SPOCK3: variants seen among roughly 807,000 people sequenced by gnomAD.
SPOCK3 encodes the protein SPARC (osteonectin), cwcv and kazal like domains proteoglycan 3, also known as testican-3.
A neutral mutation model predicts 56.6 loss-of-function variants in SPOCK3; 30 were observed. The observed-to-expected ratio is 0.53, with a 90% CI of 0.40 to 0.72. The LOEUF (loss-of-function observed/expected upper bound fraction) is 0.72. SPOCK3 is among the 30% of genes least tolerant of loss of function. The probability of loss-of-function intolerance (pLI) is 0.00; values close to 1 mark genes in which losing one functional copy is unlikely to be tolerated. For synonymous variants in SPOCK3, 196 were observed against 183.3 expected (o/e 1.07, Z -0.56); for missense variants, 527 against 530.0 (o/e 0.99, Z 0.06).
intron 2 of SPOCK3, among the ~76,000 whole-genome samples, chr4:167,195,434 A>G (rs760930127): frequency 6.6e-6 from 1 of 152,160 alleles, no homozygotes; most frequent in Non-Finnish European, 1.5e-5. Flanking sequence ...AACTGTTGAG[A>G]GAGGCTAGAA....
intron 2 of SPOCK3, among the ~76,000 whole-genome samples, chr4:167,161,296 T>C (rs1278519433): frequency 1.3e-5 from 2 of 152,146 alleles, no homozygotes; most frequent in African/African-American, 2.4e-5. Context: ...AAAATGCTCA[T>C]CATCACTGGC....
At position 166,876,720 on chromosome 4, in the gene SPOCK3, T is replaced by C. The variant is rs188944277; in HGVS notation, c.589+12410A>G. Among the ~76,000 whole-genome samples the C allele has an allele frequency of 4.4e-3, 672 of 152,198 alleles. 5 individuals are homozygous for C. The highest frequency in any genetic ancestry group is 0.016 in the African/African-American group (644 of 41,540). On this transcript the variant is annotated intron_variant, in intron 6 of 10. Coordinates refer to ENST00000357545, the MANE Select transcript of SPOCK3 (RefSeq NM_001040159.2). ...TGATTTTTAACATTTAGTATCAAAC[T>C]CCAGACTAATCATGGAAGACTTGTT...
intron 7 of SPOCK3, among the ~76,000 whole-genome samples, chr4:166,777,704 C>A (rs1739719573): frequency 6.6e-6 from 1 of 151,982 alleles, no homozygotes; most frequent in Admixed American, 6.6e-5. Context: ...ACCACTGCAC[C>A]CTAGCCCAGG....
At chr4:167,108,948 A>C (rs1490106698) in intron 2 of SPOCK3, among the ~76,000 whole-genome samples, 1 of 102,402 alleles carries the variant, frequency 9.8e-6, no homozygotes, top group African/African-American at 4.3e-5. Flanking sequence ...TATTTATATT[A>C]TAAATATTAT....
At chr4:167,162,839 T>C (rs577991436) in intron 2 of SPOCK3, among the ~76,000 whole-genome samples, 1 of 152,096 alleles carries the variant, frequency 6.6e-6, no homozygotes, top group Non-Finnish European at 1.5e-5. Flanking sequence ...GTTCATACAA[T>C]AATCATACTA....
intron 2 of SPOCK3, among the ~76,000 whole-genome samples, chr4:167,114,372 G>C (rs1344274818): frequency 6.6e-6 from 1 of 152,128 alleles, no homozygotes; most frequent in Non-Finnish European, 1.5e-5. Flanking sequence ...GGGCTGTGAA[G>C]AGACAGAGAA....
chr4:167,116,585 T>TGTATATACATACGTATATACTATATAC (rs1761367074), intron 2 of SPOCK3, among the ~76,000 whole-genome samples: 1 of 113,600 alleles, frequency 8.8e-6, no homozygotes, highest in African/African-American at 3.6e-5. Flanking sequence ...TATATAGTTT[T>TGTATATACATACGTATATACTATATAC]GTATATATAT....
intron 6 of SPOCK3, among the ~76,000 whole-genome samples, chr4:166,876,978 T>A (rs1733158240): frequency 6.6e-6 from 1 of 152,142 alleles, no homozygotes; most frequent in African/African-American, 2.4e-5. Context: ...GATAAATATT[T>A]ATTTTTCAAA....
chr4:166,737,635 C>T (rs539493127), intron 9 of SPOCK3, 31 bp from the exon 10 acceptor site: 55 of 1,589,258 alleles, frequency 3.5e-5, no homozygotes, highest in Middle Eastern at 3.4e-4. Flanking sequence ...CATACAAACA[C>T]ACACATGTAG....
chr4:166,972,354 G>A (rs1453980199), intron 4 of SPOCK3, among the ~76,000 whole-genome samples: 1 of 152,076 alleles, frequency 6.6e-6, no homozygotes, highest in Admixed American at 6.6e-5. Context: ...TCATCACTCA[G>A]CAATGTTACA....
chr4:167,115,624 C>T (rs183905506), intron 2 of SPOCK3, among the ~76,000 whole-genome samples: 12 of 151,756 alleles, frequency 7.9e-5, no homozygotes, highest in Admixed American at 6.6e-4. Context: ...TAAAAACTAA[C>T]CAGGCACAAT....
chr4:167,062,573 A>G, intron 2 of SPOCK3, 36 bp from the exon 3 acceptor site: 2 of 1,517,632 alleles, frequency 1.3e-6, no homozygotes, highest in Non-Finnish European at 1.8e-6. Flanking sequence ...AGTGTATACA[A>G]GTAATTAAAA....
At chr4:166,867,890 A>C (rs570983513) in intron 6 of SPOCK3, among the ~76,000 whole-genome samples, 75 of 151,958 alleles carry the variant, frequency 4.9e-4, no homozygotes, top group African/African-American at 1.8e-3. Flanking sequence ...TCCAGAAAAA[A>C]AGTTTGTTTT....
intron 8 of SPOCK3, among the ~76,000 whole-genome samples, chr4:166,750,014 C>T (rs1736172067): frequency 6.6e-6 from 1 of 152,096 alleles, no homozygotes; most frequent in African/African-American, 2.4e-5. Context: ...CCTGAAAATG[C>T]ACGTACATTT....
intron 7 of SPOCK3, among the ~76,000 whole-genome samples, chr4:166,780,910 A>G (rs1740091529): frequency 6.6e-6 from 1 of 152,162 alleles, no homozygotes; most frequent in African/African-American, 2.4e-5. Context: ...AAACAAGTGG[A>G]GAAAAAGGCT....
chr4:167,088,308 T>C (rs1284900453), intron 2 of SPOCK3, among the ~76,000 whole-genome samples: 3 of 152,156 alleles, frequency 2.0e-5, no homozygotes, highest in Admixed American at 6.5e-5. Context: ...ATGATGCTGA[T>C]GCCATTGTGG....
rs746110277 is a variant in SPOCK3 at position 166,737,478 on chromosome 4, A to G, written c.1121T>C (p.Val374Ala). The G allele has an allele frequency of 6.2e-7, 1 of 1,612,948 alleles. No individual in the cohort carries two copies. The highest frequency in any genetic ancestry group is 1.1e-5 in the South Asian group (1 of 90,896). Residue 374 changes from valine to alanine, a missense_variant, in exon 10 of 11, where the codon GTT (valine) becomes GCT (alanine). By Grantham distance (64) the Val-to-Ala change is moderately conservative. Transcript: ENST00000357545. Reference protein sequence around the residue: ...NEVMGSRINGVADCAIDFEIS... With the variant: ...NEVMGSRINGAADCAIDFEIS... ...ACCCTTCTCCTTACCACAATCTGCA[A>G]CACCATTTATTCTGGATCCCATGAC...
At chr4:167,167,666 G>C (rs1323633561) in intron 2 of SPOCK3, among the ~76,000 whole-genome samples, 2 of 152,150 alleles carry the variant, frequency 1.3e-5, no homozygotes, top group East Asian at 3.9e-4. Flanking sequence ...GGATTAAATT[G>C]AGTCAAATGT....
rs1757889328 is a variant in SPOCK3 at position 167,083,309 on chromosome 4, C to G, written c.190-20772G>C. The G allele has an allele frequency of 2.4e-5, 18 of 764,622 alleles. No individual in the cohort carries two copies. In the South Asian group the frequency reaches 2.4e-4, roughly 10 times the overall value. The allele number at this position is 764,622 out of a possible 1,614,324, so 47.4% of individuals were successfully genotyped here. The stretch of plus-strand genomic sequence containing the variant: ...ATCCTGTGTCAGGTTGTCATCTGCT[C>G]CTACTGAGATGCCCCACAGTTCCCC... On this transcript the variant is annotated intron_variant, in intron 2 of 10. Transcript: ENST00000357545.
Sources: allele counts gnomAD v4.1 joint callset (sites outside exome capture counted in the v4.1 genomes callset), GRCh38; gene constraint gnomAD v4.1.1; transcripts MANE v1.5; gene names NCBI Gene and HGNC (gene_info 2026-07-23, HGNC 2026-07-21).